GSE1: variants seen among roughly 807,000 people sequenced by gnomAD.
The protein encoded by GSE1 is Gse1 coiled-coil protein, also known as genetic suppressor element 1.
A neutral mutation model predicts 112.6 loss-of-function variants in GSE1; 32 were observed. The ratio of observed to expected loss-of-function variants is 0.28; its 90% confidence interval spans 0.21 to 0.38. The LOEUF is 0.38. GSE1 is among the 10% of genes least tolerant of loss of function. The probability of loss-of-function intolerance (pLI) is 1.00; values close to 1 mark genes in which losing one functional copy is unlikely to be tolerated. For missense variants in GSE1, 2,348 were observed against 1,699.2 expected (o/e 1.38, Z -6.71); for synonymous variants, 1,115 against 735.6 (o/e 1.52, Z -8.35).
chr16:85,670,796 G>T, intron 14 of GSE1, 199 bp from the exon 15 acceptor site: 1 of 428,128 alleles, frequency 2.3e-6, no homozygotes, highest in Admixed American at 4.2e-5. Flanking sequence ...CTGTGTATTG[G>T]GCTTAATTTA....
chr16:85,293,642 C>T lies in GSE1; in HGVS notation c.2284-63821C>T, dbSNP rs748595413. 3.9e-4 allele frequency among the ~76,000 whole-genome samples: 60 copies of T among 152,192 alleles called. 1 individual carries two copies. Among genetic ancestry groups the T allele is most frequent in the Admixed American group, 7.9e-4 (12 of 15,284 alleles). ...CCGAAGTCCGGAATCAGGGTGTCAG[C>T]GGGACGGCTTCCTTCTGCTGGAGCT... On this transcript the variant is annotated intron_variant, in intron 1 of 2. Coordinates refer to the GSE1 transcript ENST00000637419.
At chr16:85,212,239 C>T (rs151236028) in intron 1 of GSE1, among the ~76,000 whole-genome samples, 1 of 152,116 alleles carries the variant, frequency 6.6e-6, no homozygotes, top group South Asian at 2.1e-4. Context: ...AACCCTGTCT[C>T]TACTAAAAAT....
At chr16:85,619,012 G>C (rs1354799917) in intron 1 of GSE1, among the ~76,000 whole-genome samples, 1 of 152,228 alleles carries the variant, frequency 6.6e-6, no homozygotes, top group Admixed American at 6.5e-5. Flanking sequence ...ACGCTCAACT[G>C]ACTCCCTTGC....
intron 1 of GSE1, among the ~76,000 whole-genome samples, chr16:85,247,870 C>G (rs1166195641): frequency 1.3e-5 from 2 of 152,218 alleles, no homozygotes; most frequent in South Asian, 2.1e-4. Context: ...GGCCCTGCAT[C>G]CAAGCATGCA....
chr16:85,673,835 GTGAT>G lies in GSE1; in HGVS notation c.*1301_*1304del, dbSNP rs539116162. On this transcript the variant is annotated 3_prime_UTR_variant, in exon 16 of 16. Transcript: ENST00000253458. ...ACCTTTCAGGAAGTCAATGATTTCT[GTGAT>G]TGATATAATTCTAAGGTGTCTGAGA... 3 of 152,192 alleles carry G rather than the reference GTGAT, an allele frequency of 2.0e-5. No individual in the cohort carries two copies. Among genetic ancestry groups the G allele is most frequent in the Non-Finnish European group, 4.4e-5 (3 of 68,040 alleles). 9.4% of individuals were successfully genotyped at this position (152,192 alleles called of 1,614,324 possible). A position where few individuals can be genotyped will look rare whatever the true frequency, so the allele number is the denominator to read the frequency against.
At chr16:85,348,253 T>TCATC (rs573580666) in intron 1 of GSE1, among the ~76,000 whole-genome samples, 4 of 151,838 alleles carry the variant, frequency 2.6e-5, no homozygotes, top group Admixed American at 1.3e-4. Context: ...CATCCATCCA[T>TCATC]CATCCACCCA....
chr16:85,447,935 G>A (rs7205192), intron 2 of GSE1, among the ~76,000 whole-genome samples: 66,860 of 152,086 alleles, frequency 0.44, 16,410 homozygotes, highest in Admixed American at 0.58. Context: ...TGGGCGACTC[G>A]AGGCAGCTGC....
intron 1 of GSE1, among the ~76,000 whole-genome samples, chr16:85,557,501 G>C (rs558762728): frequency 6.6e-6 from 1 of 152,186 alleles, no homozygotes; most frequent in Non-Finnish European, 1.5e-5. Flanking sequence ...AGAAGACGCT[G>C]CCCTGGAGCT....
intron 2 of GSE1, among the ~76,000 whole-genome samples, chr16:85,639,906 G>A (rs1044402660): frequency 3.3e-5 from 5 of 151,652 alleles, no homozygotes; most frequent in Admixed American, 2.0e-4. Context: ...GGGGAGCCTT[G>A]CGTGTCCTCA....
intron 1 of GSE1, among the ~76,000 whole-genome samples, chr16:85,261,619 C>T (rs1907692479): frequency 6.6e-6 from 1 of 152,172 alleles, no homozygotes; most frequent in Non-Finnish European, 1.5e-5. Context: ...TGGCGGCCAG[C>T]AGGAGAGGGC....
At chr16:85,409,288 C>A (rs1412205974) in intron 2 of GSE1, among the ~76,000 whole-genome samples, 1 of 43,590 alleles carries the variant, frequency 2.3e-5, no homozygotes. Context: ...CTCTGATAAT[C>A]CTCACTGTTA....
intron 2 of GSE1, among the ~76,000 whole-genome samples, chr16:85,493,582 C>T (rs2051075902): frequency 2.6e-5 from 4 of 152,016 alleles, no homozygotes; most frequent in African/African-American, 7.2e-5. Flanking sequence ...GGAGAAACCC[C>T]GTCTCTACTA....
chr16:85,573,358 A>T (rs1051436902), intron 1 of GSE1, among the ~76,000 whole-genome samples: 2 of 152,040 alleles, frequency 1.3e-5, no homozygotes, highest in Non-Finnish European at 2.9e-5. Flanking sequence ...CTGTTTCTCC[A>T]TGCATCTGTT....
At chr16:85,198,410 G>A (rs1272036518) in intron 1 of GSE1, among the ~76,000 whole-genome samples, 1 of 152,184 alleles carries the variant, frequency 6.6e-6, no homozygotes, top group East Asian at 1.9e-4. Flanking sequence ...CCTTGGACAG[G>A]GTGGGGGTGC....
At chr16:85,420,391 T>C (rs1461117309) in intron 2 of GSE1, among the ~76,000 whole-genome samples, 1 of 152,064 alleles carries the variant, frequency 6.6e-6, no homozygotes, top group East Asian at 1.9e-4. Flanking sequence ...AGTTTGTAGC[T>C]CTGGCAGCCC....
chr16:85,579,980 TAG>T (rs2046383847), intron 1 of GSE1: 2 of 152,306 alleles, frequency 1.3e-5, no homozygotes, highest in South Asian at 2.1e-4. Context: ...ACTTAGTAGT[TAG>T]AGAGGCAGAC....
At chr16:85,170,767 G>A in exon 1 of GSE1, 1 of 985,488 alleles carries the variant, frequency 1.0e-6, no homozygotes, top group Non-Finnish European at 1.2e-6. Flanking sequence ...GCCCATCAGC[G>A]AGGGCGGCAG....
At chr16:85,307,650 G>A (rs1012219208) in intron 1 of GSE1, among the ~76,000 whole-genome samples, 2 of 152,168 alleles carry the variant, frequency 1.3e-5, no homozygotes, top group Non-Finnish European at 2.9e-5. Flanking sequence ...CAGCCTCGGT[G>A]TCCAGAGTCT....
chr16:85,335,766 C>T (rs60431659), intron 1 of GSE1, among the ~76,000 whole-genome samples: 3,814 of 152,268 alleles, frequency 0.025, 153 homozygotes, highest in African/African-American at 0.087. Context: ...ATGTCCATTT[C>T]GGAGTTGGGA....
Sources: gnomAD v4.1 joint callset for allele counts (sites outside exome capture counted in the v4.1 genomes callset) on GRCh38, gnomAD v4.1.1 for gene constraint, MANE v1.5 for transcripts, NCBI Gene and HGNC (gene_info 2026-07-23, HGNC 2026-07-21) for gene names.